FAM107B: variants seen among roughly 807,000 people sequenced by gnomAD.
The protein encoded by FAM107B is family with sequence similarity 107 member B.
In FAM107B, 21 loss-of-function variants were observed where a neutral mutation model predicts 31.5. The observed-to-expected ratio is 0.67, with a 90% CI of 0.47 to 0.96. The LOEUF is 0.96. Among genes scored for constraint, FAM107B ranks in the 40% least tolerant of loss-of-function variants. The pLI is 0.00. For synonymous variants in FAM107B, 157 were observed against 141.5 expected (o/e 1.11, Z -0.78); for missense variants, 452 against 377.1 (o/e 1.20, Z -1.64).
intron 2 of FAM107B, among the ~76,000 whole-genome samples, chr10:14,595,636 G>A (rs953060872): frequency 7.2e-5 from 11 of 151,922 alleles, no homozygotes; most frequent in African/African-American, 2.7e-4. Flanking sequence ...TGTTGGCCAG[G>A]TCCTAGGGCA....
At chr10:14,663,811 G>T (rs765569902) in intron 2 of FAM107B, among the ~76,000 whole-genome samples, 7 of 147,170 alleles carry the variant, frequency 4.8e-5, no homozygotes, top group Non-Finnish European at 7.4e-5. Context: ...TATCACGTGG[G>T]TGGCTCCTAC....
chr10:14,659,608 T>C (rs1309287552), intron 2 of FAM107B, among the ~76,000 whole-genome samples: 2 of 152,326 alleles, frequency 1.3e-5, no homozygotes, highest in East Asian at 3.9e-4. Flanking sequence ...AAAATCTGTA[T>C]GGAAGATAAA....
intron 2 of FAM107B, among the ~76,000 whole-genome samples, chr10:14,611,883 A>G (rs1852736065): frequency 6.6e-6 from 1 of 152,098 alleles, no homozygotes; most frequent in African/African-American, 2.4e-5. Context: ...AGTCACTCTC[A>G]GCCACAAAAT....
At chr10:14,687,389 C>T (rs1297670106) in intron 1 of FAM107B, among the ~76,000 whole-genome samples, 7 of 152,136 alleles carry the variant, frequency 4.6e-5, no homozygotes, top group Non-Finnish European at 8.8e-5. Context: ...ACAGGAGGTT[C>T]AACACTCTTG....
intron 2 of FAM107B, among the ~76,000 whole-genome samples, chr10:14,543,710 C>A (rs57169231): frequency 0.015 from 1,781 of 120,474 alleles, 35 homozygotes; most frequent in African/African-American, 0.047. Context: ...AAAAAAAAAA[C>A]CAAAAACTCT....
At chr10:14,576,623 G>GAT (rs1188683297) in intron 2 of FAM107B, among the ~76,000 whole-genome samples, 1 of 152,150 alleles carries the variant, frequency 6.6e-6, no homozygotes, top group Non-Finnish European at 1.5e-5. Flanking sequence ...TGTACTATGT[G>GAT]ATATTAGTAA....
chr10:14,556,575 C>T (rs1251982510), intron 2 of FAM107B, among the ~76,000 whole-genome samples: 1 of 152,214 alleles, frequency 6.6e-6, no homozygotes, highest in East Asian at 1.9e-4. Flanking sequence ...GTGCTACTGC[C>T]CCTCACTTGA....
chr10:14,748,088 T>A (rs1472802070), intron 1 of FAM107B, among the ~76,000 whole-genome samples: 4 of 152,224 alleles, frequency 2.6e-5, no homozygotes, highest in South Asian at 4.1e-4. Context: ...GCTCAGTGCA[T>A]ACTTCTATCA....
chr10:14,621,220 G>T (rs1212916326), intron 2 of FAM107B, among the ~76,000 whole-genome samples: 2 of 152,112 alleles, frequency 1.3e-5, no homozygotes, highest in Non-Finnish European at 2.9e-5. Flanking sequence ...CATGTCCACA[G>T]CCAGTGAGGA....
At chr10:14,702,941 C>T (rs1186448095) in intron 1 of FAM107B, among the ~76,000 whole-genome samples, 3 of 152,098 alleles carry the variant, frequency 2.0e-5, no homozygotes, top group South Asian at 2.1e-4. Flanking sequence ...AGAATGTCAC[C>T]GGACCTGATC....
At chr10:14,603,390 C>T (rs771954816) in intron 2 of FAM107B, among the ~76,000 whole-genome samples, 1 of 152,150 alleles carries the variant, frequency 6.6e-6, no homozygotes, top group Non-Finnish European at 1.5e-5. Context: ...CCCTCAAAAT[C>T]GCACCCATCC....
At chr10:14,609,116 G>C (rs182145966) in intron 2 of FAM107B, among the ~76,000 whole-genome samples, 5 of 152,296 alleles carry the variant, frequency 3.3e-5, no homozygotes, top group Admixed American at 1.3e-4. Flanking sequence ...GAAAAAGATG[G>C]GGGAAAGAAA....
chr10:14,749,851 AG>A (rs141509113), intron 1 of FAM107B, among the ~76,000 whole-genome samples: 2,088 of 152,306 alleles, frequency 0.014, 51 homozygotes, highest in African/African-American at 0.047. Flanking sequence ...AGGGGTCATG[AG>A]AGCCACTAGC....
At chr10:14,767,601 T>G (rs12250461) in intron 1 of FAM107B, among the ~76,000 whole-genome samples, 2 of 150,946 alleles carry the variant, frequency 1.3e-5, no homozygotes, top group African/African-American at 4.9e-5. Flanking sequence ...TGAAAAAAAA[T>G]TAACAAAATT....
At chr10:14,647,519 A>T (rs190483940) in intron 2 of FAM107B, among the ~76,000 whole-genome samples, 9 of 152,126 alleles carry the variant, frequency 5.9e-5, no homozygotes, top group Middle Eastern at 3.4e-3. Flanking sequence ...TCTCTACTAA[A>T]AAAAGTACAA....
intron 1 of FAM107B, among the ~76,000 whole-genome samples, chr10:14,704,365 T>G (rs1564631306): frequency 6.6e-6 from 1 of 151,960 alleles, no homozygotes; most frequent in Non-Finnish European, 1.5e-5. Context: ...TTTTAACTAA[T>G]AGCCAACAAA....
intron 1 of FAM107B, among the ~76,000 whole-genome samples, chr10:14,705,136 GA>G (rs1473468661): frequency 6.6e-6 from 1 of 151,660 alleles, no homozygotes; most frequent in African/African-American, 2.4e-5. Context: ...AATCATTAGG[GA>G]AATGTAAATC....
chr10:14,611,212 A>G (rs1852715323), intron 2 of FAM107B, among the ~76,000 whole-genome samples: 1 of 152,178 alleles, frequency 6.6e-6, no homozygotes. Flanking sequence ...TTAAGCGCTC[A>G]TCCTGTCAAA....
chr10:14,635,920 C>G (rs972717522), intron 2 of FAM107B, among the ~76,000 whole-genome samples: 1 of 152,134 alleles, frequency 6.6e-6, no homozygotes, highest in Non-Finnish European at 1.5e-5. Context: ...GCATGAGCCA[C>G]CATGCCTGGC....
Sources: allele counts gnomAD v4.1 joint callset (sites outside exome capture counted in the v4.1 genomes callset), GRCh38; gene constraint gnomAD v4.1.1; transcripts MANE v1.5; gene names NCBI Gene and HGNC (gene_info 2026-07-23, HGNC 2026-07-21).